The following CNTN5 variants were observed in gnomAD, a reference collection of about 807,000 sequenced individuals.
CNTN5 encodes the protein contactin-5.
In CNTN5, 77 loss-of-function variants were observed where a neutral mutation model predicts 129.1. The observed-to-expected ratio is 0.60, with a 90% CI of 0.50 to 0.72. The LOEUF (loss-of-function observed/expected upper bound fraction) is 0.72. Ranked by LOEUF, CNTN5 falls within the 30% of genes least tolerant of loss-of-function variation. The pLI is 0.00. For missense variants in CNTN5, 1,478 were observed against 1,328.8 expected, an observed-to-expected ratio of 1.11 and a Z score of -1.75; for synonymous variants, 509 against 465.6, an observed-to-expected ratio of 1.09 and a Z score of -1.20.
Position 99,660,044 on chromosome 11 carries a change from C to T in CNTN5, c.55+103775C>T, listed in dbSNP as rs116376046. Among the ~76,000 whole-genome samples, 341 of 152,102 alleles carry T rather than the reference C, an allele frequency of 2.2e-3. 1 individual carries two copies. Among genetic ancestry groups the T allele is most frequent in the African/African-American group, 7.5e-3 (311 of 41,524 alleles). ...CTGGAACAAATTGGTTACCAGTATGCAGAAATATGAACATTGATCCATCCT... is the reference window on the plus strand; with the variant it reads ...CTGGAACAAATTGGTTACCAGTATGTAGAAATATGAACATTGATCCATCCT... On this transcript the variant is annotated intron_variant, in intron 3 of 24. Coordinates refer to ENST00000524871, the MANE Select transcript of CNTN5 (RefSeq NM_014361.4).
At chr11:99,674,469 G>T (rs1465827103) in intron 3 of CNTN5, among the ~76,000 whole-genome samples, 2 of 151,944 alleles carry the variant, frequency 1.3e-5, no homozygotes, top group Admixed American at 1.3e-4. Flanking sequence ...AGATCTATGT[G>T]GGCATTTCTT....
At chr11:99,756,460 TAAG>T (rs1454552556) in intron 3 of CNTN5, among the ~76,000 whole-genome samples, 2 of 152,108 alleles carry the variant, frequency 1.3e-5, no homozygotes, top group East Asian at 1.9e-4. Flanking sequence ...ACTATTAAAG[TAAG>T]AAGAAGTTTC....
chr11:99,114,728 C>T (rs991055142), intron 1 of CNTN5, among the ~76,000 whole-genome samples: 1 of 152,048 alleles, frequency 6.6e-6, no homozygotes, highest in African/African-American at 2.4e-5. Context: ...CAAGTTTGTT[C>T]CTCGTAAACA....
intron 2 of CNTN5, among the ~76,000 whole-genome samples, chr11:99,454,402 T>C (rs977819342): frequency 1.8e-4 from 28 of 152,274 alleles, no homozygotes; most frequent in Admixed American, 6.5e-4. Context: ...GTTTTCCCCA[T>C]GCTGTTCTCA....
intron 3 of CNTN5, among the ~76,000 whole-genome samples, chr11:99,668,505 G>T (rs1952893359): frequency 6.6e-6 from 1 of 152,128 alleles, no homozygotes; most frequent in Admixed American, 6.6e-5. Context: ...CTCAAGGGTG[G>T]TACTAAAACC....
chr11:99,186,782 A>T (rs1445557522), intron 1 of CNTN5, among the ~76,000 whole-genome samples: 1 of 151,984 alleles, frequency 6.6e-6, no homozygotes, highest in Non-Finnish European at 1.5e-5. Flanking sequence ...AGTGACAGGG[A>T]TACCTAAAAG....
chr11:99,406,956 C>A (rs2134983511), intron 2 of CNTN5, among the ~76,000 whole-genome samples: 1 of 150,826 alleles, frequency 6.6e-6, no homozygotes, highest in Admixed American at 6.6e-5. Flanking sequence ...AGTGGGCTCA[C>A]CTCTGGCCCA....
At chr11:99,093,511 C>T (rs1866340903) in intron 1 of CNTN5, among the ~76,000 whole-genome samples, 1 of 151,088 alleles carries the variant, frequency 6.6e-6, no homozygotes, top group African/African-American at 2.4e-5. Flanking sequence ...TAATATATGA[C>T]TAACTGTTGT....
intron 14 of CNTN5, among the ~76,000 whole-genome samples, chr11:100,192,745 G>T (rs1948528932): frequency 6.6e-6 from 1 of 151,854 alleles, no homozygotes; most frequent in South Asian, 2.1e-4. Context: ...GTTCAAAGTT[G>T]CTCTAAACCC....
chr11:99,427,515 C>T (rs1943175077), intron 2 of CNTN5, among the ~76,000 whole-genome samples: 1 of 151,908 alleles, frequency 6.6e-6, no homozygotes, highest in Non-Finnish European at 1.5e-5. Context: ...GCCTGTTATC[C>T]CAGCACTTTG....
chr11:99,648,187 G>A (rs1341979553), intron 3 of CNTN5, among the ~76,000 whole-genome samples: 1 of 151,836 alleles, frequency 6.6e-6, no homozygotes, highest in African/African-American at 2.4e-5. Flanking sequence ...TTATTACGTG[G>A]TTTTTGGCTT....
chr11:99,644,079 A>G (rs1219582418), intron 3 of CNTN5, among the ~76,000 whole-genome samples: 1 of 152,334 alleles, frequency 6.6e-6, no homozygotes, highest in East Asian at 1.9e-4. Context: ...TCACATATAA[A>G]GCTACTTACA....
At chr11:99,031,636 A>G (rs1863378113) in intron 1 of CNTN5, among the ~76,000 whole-genome samples, 1 of 150,784 alleles carries the variant, frequency 6.6e-6, no homozygotes, top group Admixed American at 6.9e-5. Flanking sequence ...GCTATTTGAA[A>G]AAAAAACCAA....
intron 6 of CNTN5, among the ~76,000 whole-genome samples, chr11:99,905,756 T>G (rs1949485490): frequency 6.6e-6 from 1 of 152,204 alleles, no homozygotes; most frequent in Non-Finnish European, 1.5e-5. Flanking sequence ...ATGATATTGA[T>G]TCTTCCTATC....
chr11:100,227,331 A>C (rs1480617253), intron 16 of CNTN5, among the ~76,000 whole-genome samples: 2 of 152,170 alleles, frequency 1.3e-5, no homozygotes. Context: ...CTTGCCGCTC[A>C]TGAACACTAA....
intron 9 of CNTN5, among the ~76,000 whole-genome samples, chr11:100,049,359 CAT>C (rs1334134528): frequency 4.6e-5 from 7 of 151,498 alleles, no homozygotes; most frequent in African/African-American, 1.7e-4. Context: ...TAATCAAACA[CAT>C]AGCACAAAAA....
chr11:99,191,632 A>G (rs1858648332), intron 1 of CNTN5, among the ~76,000 whole-genome samples: 1 of 151,862 alleles, frequency 6.6e-6, no homozygotes. Context: ...CCTGATGACA[A>G]TATGAAACTA....
At chr11:99,987,672 C>G (rs1202852818) in intron 8 of CNTN5, among the ~76,000 whole-genome samples, 1 of 151,780 alleles carries the variant, frequency 6.6e-6, no homozygotes, top group Non-Finnish European at 1.5e-5. Context: ...ACTTAATTGA[C>G]TACAAAATTG....
Position 99,995,827 on chromosome 11 carries a change from C to T in CNTN5, c.878-6207C>T, listed in dbSNP as rs552315752. 1.7e-3 allele frequency among the ~76,000 whole-genome samples: 259 copies of T among 152,212 alleles called. 1 individual carries two copies. Among genetic ancestry groups the T allele is most frequent in the African/African-American group, 6.1e-3 (252 of 41,548 alleles). On this transcript the variant is annotated intron_variant, in intron 8 of 24. Coordinates refer to ENST00000524871, the MANE Select transcript of CNTN5 (RefSeq NM_014361.4). ...CAAGGCTATCTGATGGCACTAGCAC[C>T]AAAATCCACCAGGCCTCAGCTATTG...
Sources: gnomAD v4.1 joint callset for allele counts (sites outside exome capture counted in the v4.1 genomes callset) on GRCh38, gnomAD v4.1.1 for gene constraint, MANE v1.5 for transcripts, NCBI Gene and HGNC (gene_info 2026-07-23, HGNC 2026-07-21) for gene names.